PTPRD: variants seen among roughly 807,000 people sequenced by gnomAD.
The protein encoded by PTPRD is receptor-type tyrosine-protein phosphatase delta.
Under a neutral mutation model 214.5 loss-of-function variants are expected in PTPRD, and 34 were observed. The observed-to-expected ratio is 0.16, with a 90% CI of 0.12 to 0.21. PTPRD has a LOEUF of 0.21. Among genes scored for constraint, PTPRD ranks in the 10% least tolerant of loss-of-function variants. The pLI, the probability that PTPRD is intolerant of heterozygous loss-of-function variation, is 1.00. For missense variants in PTPRD, 2,545 were observed against 2,398.7 expected, an observed-to-expected ratio of 1.06 and a Z score of -1.27; for synonymous variants, 1,128 against 845.7, an observed-to-expected ratio of 1.33 and a Z score of -5.79.
chr9:8,452,953 C>T (rs12375674), intron 33 of PTPRD, among the ~76,000 whole-genome samples: 42,605 of 151,948 alleles, frequency 0.28, 6,098 homozygotes, highest in East Asian at 0.5. Flanking sequence ...AAATATCTAC[C>T]ATCAATATTC....
chr9:9,688,501 T>A (rs940537523), intron 7 of PTPRD, among the ~76,000 whole-genome samples: 4 of 151,846 alleles, frequency 2.6e-5, no homozygotes, highest in African/African-American at 2.4e-5. Flanking sequence ...GAGCCTATGA[T>A]TAAGATCAAA....
intron 7 of PTPRD, among the ~76,000 whole-genome samples, chr9:9,634,461 T>C (rs1265004471): frequency 6.6e-6 from 1 of 152,140 alleles, no homozygotes; most frequent in East Asian, 1.9e-4. Context: ...ATACAATCCA[T>C]GAGACTGTGT....
At chr9:9,604,877 A>C (rs945123428) in intron 7 of PTPRD, among the ~76,000 whole-genome samples, 1 of 148,020 alleles carries the variant, frequency 6.8e-6, no homozygotes, top group African/African-American at 2.5e-5. Flanking sequence ...ATTAAAGAAC[A>C]AAAAAAAAAG....
intron 9 of PTPRD, among the ~76,000 whole-genome samples, chr9:9,238,964 C>G (rs2099968821): frequency 6.6e-6 from 1 of 152,072 alleles, no homozygotes; most frequent in Admixed American, 6.6e-5. Flanking sequence ...TTCAGACAGC[C>G]ACGGTGTGTC....
chr9:9,089,893 A>G (rs1346872436), intron 10 of PTPRD, among the ~76,000 whole-genome samples: 2 of 152,186 alleles, frequency 1.3e-5, no homozygotes, highest in African/African-American at 2.4e-5. Context: ...TTGAAAAATG[A>G]AAAGAGACAA....
chr9:8,682,636 G>C (rs369106119), intron 12 of PTPRD, among the ~76,000 whole-genome samples: 1 of 152,084 alleles, frequency 6.6e-6, no homozygotes. Context: ...TGTTATCCTA[G>C]TGTAGCAGGT....
At chr9:8,995,016 A>T (rs2150767) in intron 11 of PTPRD, among the ~76,000 whole-genome samples, 88,959 of 151,758 alleles carry the variant, frequency 0.59, 26,296 homozygotes, top group South Asian at 0.63. Context: ...AAAAGACATA[A>T]GAGCAAGTAA....
intron 4 of PTPRD, among the ~76,000 whole-genome samples, chr9:10,022,244 G>C (rs1325957497): frequency 1.4e-5 from 1 of 73,930 alleles, no homozygotes; most frequent in East Asian, 3.5e-4. Flanking sequence ...TCCATGACAT[G>C]TGTGTCACAG....
intron 14 of PTPRD, among the ~76,000 whole-genome samples, chr9:8,631,367 A>G (rs999301804): frequency 6.6e-6 from 1 of 151,836 alleles, no homozygotes; most frequent in African/African-American, 2.4e-5. Flanking sequence ...ATCAGAGACT[A>G]TGATTTCCAC....
rs1821260621 is a variant in PTPRD, at chr9:8,315,655, T to C, written c.*2219A>G. On this transcript the variant is annotated 3_prime_UTR_variant, in exon 46 of 46. Coordinates refer to ENST00000381196, the MANE Select transcript of PTPRD (RefSeq NM_002839.4). The stretch of plus-strand genomic sequence containing the variant: ...TATTATATATATTTTCTTTTTTTTC[T>C]TTTTCTTTGTTTTTTACAAAAGTGC... 4.4e-6 allele frequency: 1 copy of C among 227,704 alleles called. No individual in the cohort carries two copies. The highest frequency in any genetic ancestry group is 5.7e-5 in the Admixed American group (1 of 17,546). The allele number at this position is 227,704 out of a possible 1,614,324, so 14.1% of individuals were successfully genotyped here.
chr9:10,311,416 G>T (rs1048721602), intron 3 of PTPRD, among the ~76,000 whole-genome samples: 4 of 151,880 alleles, frequency 2.6e-5, no homozygotes, highest in African/African-American at 9.7e-5. Flanking sequence ...TATTAGTTTT[G>T]GCTTCGCTAC....
At chr9:8,781,972 C>A in intron 11 of PTPRD, among the ~76,000 whole-genome samples, 1 of 144,896 alleles carries the variant, frequency 6.9e-6, no homozygotes, top group Middle Eastern at 3.5e-3. Context: ...TCCTCAATTT[C>A]TTTTTTTTTT....
chr9:10,278,948 G>A (rs1238682865), intron 3 of PTPRD, among the ~76,000 whole-genome samples: 1 of 151,880 alleles, frequency 6.6e-6, no homozygotes, highest in East Asian at 1.9e-4. Context: ...CTAATTTTTT[G>A]TATTTTTAGT....
chr9:8,515,188 C>T (rs1032321509), intron 21 of PTPRD, among the ~76,000 whole-genome samples: 4 of 152,148 alleles, frequency 2.6e-5, no homozygotes, highest in South Asian at 2.1e-4. Context: ...AGTAACCTTA[C>T]GACCTACGGC....
rs149323745 is a variant in PTPRD, at chr9:9,070,830, A to T, written c.-142-52095T>A. Among the ~76,000 whole-genome samples the T allele has an allele frequency of 2.2e-4, 33 of 152,322 alleles. No individual in the cohort carries two copies. In the East Asian group the frequency reaches 5.4e-3, roughly 25 times the overall value. ...CTAAGCAGTGTGTCTAGTTTAAGTA[A>T]CTAATAAGTGGCAGTCAAGGCTAGA... On this transcript the variant is annotated intron_variant, in intron 10 of 45. Transcript: ENST00000381196.
intron 36 of PTPRD, among the ~76,000 whole-genome samples, chr9:8,399,548 C>T (rs1014036797): frequency 4.7e-5 from 7 of 150,374 alleles, no homozygotes; most frequent in African/African-American, 7.4e-5. Context: ...TACCTTAAAA[C>T]GTGAGATTAA....
At chr9:9,524,468 T>C (rs1437727318) in intron 8 of PTPRD, among the ~76,000 whole-genome samples, 1 of 152,220 alleles carries the variant, frequency 6.6e-6, no homozygotes, top group Non-Finnish European at 1.5e-5. Context: ...TTCTAATCCG[T>C]ACGTTCGTGT....
intron 2 of PTPRD, among the ~76,000 whole-genome samples, chr9:10,503,202 A>ACAAAAAC (rs2044428906): frequency 7.5e-6 from 1 of 133,050 alleles, no homozygotes; most frequent in Non-Finnish European, 1.5e-5. Flanking sequence ...ACAAAAAAAA[A>ACAAAAAC]AAAAACAAAA....
chr9:10,284,223 TA>T (rs1453728422), intron 3 of PTPRD, among the ~76,000 whole-genome samples: 1 of 152,022 alleles, frequency 6.6e-6, no homozygotes, highest in Non-Finnish European at 1.5e-5. Flanking sequence ...CATCTCAAAA[TA>T]AAAACATTAA....
Sources: gnomAD v4.1 joint callset for allele counts (sites outside exome capture counted in the v4.1 genomes callset) on GRCh38, gnomAD v4.1.1 for gene constraint, MANE v1.5 for transcripts, NCBI Gene and HGNC (gene_info 2026-07-23, HGNC 2026-07-21) for gene names.